ZNF676: variants seen among roughly 807,000 people sequenced by gnomAD.
ZNF676 encodes zinc finger protein 676.
In ZNF676, 4 loss-of-function variants were observed where a neutral mutation model predicts 6.0. The observed-to-expected ratio is 0.67, with a 90% CI of 0.33 to 1.53. The LOEUF (loss-of-function observed/expected upper bound fraction) is 1.53, where lower values mean the gene tolerates loss of function less well. ZNF676 is among the 40% of genes most tolerant of loss of function. ZNF676 has a pLI of 0.06. For missense variants in ZNF676, 644 were observed against 679.7 expected, an observed-to-expected ratio of 0.95 and a Z score of 0.58; for synonymous variants, 198 against 223.1, an observed-to-expected ratio of 0.89 and a Z score of 1.00.
At chr19:22,202,486 T>C (rs1268845177) in intron 1 of ZNF676, among the ~76,000 whole-genome samples, 2 of 152,148 alleles carry the variant, frequency 1.3e-5, no homozygotes, top group Non-Finnish European at 2.9e-5. Flanking sequence ...ATAGTAAAGC[T>C]TAGTTGGTAC....
chr19:22,247,400 C>T, the ZNF676 span, among the ~76,000 whole-genome samples: 1 of 151,852 alleles, frequency 6.6e-6, no homozygotes. Flanking sequence ...CCCATCTCTA[C>T]TAAAAATACA....
chr19:22,259,103 G>A, the ZNF676 span, among the ~76,000 whole-genome samples: 5 of 152,198 alleles, frequency 3.3e-5, no homozygotes, highest in African/African-American at 4.8e-5. Context: ...GTACCCATAC[G>A]GATTCACTGC....
intron 2 of ZNF676, among the ~76,000 whole-genome samples, chr19:22,184,769 C>G (rs1419733663): frequency 7.0e-6 from 1 of 143,518 alleles, no homozygotes; most frequent in South Asian, 2.2e-4. Context: ...GAGCCCACCG[C>G]AGCTAGCAAG....
chr19:22,181,425 A>C lies in ZNF676; in HGVS notation c.292T>G (p.Tyr98Asp). 4 of 1,613,722 alleles carry C rather than the reference A, an allele frequency of 2.5e-6. No individual in the cohort carries two copies. The highest frequency in any genetic ancestry group is 3.4e-6 in the Non-Finnish European group (4 of 1,179,794). Residue 98 changes from tyrosine (Y) to aspartate (D), a missense_variant, in exon 3 of 3, where the codon TAT (tyrosine) becomes GAT (aspartate). Transcript: ENST00000397121. ...VDECNVHKEG[Y>D]NKLNQSLTTT... ...GTTAAACTCTGGTTAAGTTTATTATAACCTTCTTTGTGCACGTTACACTCA... is the reference window on the plus strand; with the variant it reads ...GTTAAACTCTGGTTAAGTTTATTATCACCTTCTTTGTGCACGTTACACTCA...
chr19:22,259,445 C>T, the ZNF676 span, among the ~76,000 whole-genome samples: 1 of 152,096 alleles, frequency 6.6e-6, no homozygotes, highest in East Asian at 1.9e-4. Context: ...AAAAGTCTCA[C>T]ATCATCTAGG....
chr19:22,208,987 C>T (rs761628254), intron 1 of ZNF676, among the ~76,000 whole-genome samples: 2 of 151,718 alleles, frequency 1.3e-5, no homozygotes, highest in Non-Finnish European at 1.5e-5. Context: ...AAATATGGGC[C>T]GGGTGCAGTG....
upstream of ZNF676, among the ~76,000 whole-genome samples, chr19:22,218,519 T>C (rs1273857794): frequency 1.3e-5 from 2 of 148,638 alleles, no homozygotes; most frequent in African/African-American, 2.5e-5. Context: ...TTTTTTTTTG[T>C]ATTTTTAGTA....
At chr19:22,241,833 T>TTCA in the ZNF676 span, among the ~76,000 whole-genome samples, 14 of 151,952 alleles carry the variant, frequency 9.2e-5, 1 homozygote, top group African/African-American at 3.4e-4. Context: ...TGGTCAGGTG[T>TTCA]TTACATATGA....
chr19:22,242,943 C>T, the ZNF676 span, among the ~76,000 whole-genome samples: 136 of 151,848 alleles, frequency 9.0e-4, no homozygotes, highest in Middle Eastern at 0.01. Context: ...AAGGAGAGTC[C>T]CATCATCTAG....
At chr19:22,253,370 G>GTATATATATATATATATATATATA in the ZNF676 span, among the ~76,000 whole-genome samples, 16 of 60,098 alleles carry the variant, frequency 2.7e-4, 1 homozygote, top group East Asian at 1.2e-3. Context: ...GTGTGTGTGT[G>GTATATATATATATATATATATATA]TGTATATATA....
intron 1 of ZNF676, among the ~76,000 whole-genome samples, chr19:22,194,469 T>A (rs183523026): frequency 1.3e-4 from 20 of 152,268 alleles, no homozygotes; most frequent in African/African-American, 4.1e-4. Flanking sequence ...AGTTTAGTAG[T>A]TGACAGATCT....
the ZNF676 span, among the ~76,000 whole-genome samples, chr19:22,235,951 T>C: frequency 6.7e-6 from 1 of 149,932 alleles, no homozygotes; most frequent in Non-Finnish European, 1.5e-5. Flanking sequence ...CTACATCTAG[T>C]ATGGCAGCTG....
chr19:22,185,489 CA>C (rs35260893), intron 2 of ZNF676, among the ~76,000 whole-genome samples: 55,875 of 141,534 alleles, frequency 0.39, 10,619 homozygotes, highest in African/African-American at 0.5. Context: ...TCATCACCAG[CA>C]AAAAAAAAAA....
chr19:22,185,531 A>C (rs1310961572), intron 2 of ZNF676, among the ~76,000 whole-genome samples: 1 of 151,976 alleles, frequency 6.6e-6, no homozygotes, highest in African/African-American at 2.4e-5. Context: ...GAGTTTGACG[A>C]ATTGACAAAT....
chr19:22,226,031 T>C, the ZNF676 span, among the ~76,000 whole-genome samples: 2 of 152,214 alleles, frequency 1.3e-5, no homozygotes, highest in Admixed American at 1.3e-4. Context: ...TCATGTCTTT[T>C]CTCCATGTTT....
the ZNF676 span, among the ~76,000 whole-genome samples, chr19:22,230,910 A>G: frequency 6.6e-6 from 1 of 151,798 alleles, no homozygotes; most frequent in African/African-American, 2.4e-5. Context: ...TGCCCACCTC[A>G]GATTCCAAAA....
chr19:22,185,498 A>C (rs1192998964), intron 2 of ZNF676, among the ~76,000 whole-genome samples: 5 of 152,054 alleles, frequency 3.3e-5, no homozygotes, highest in Non-Finnish European at 1.5e-5. Context: ...GCAAAAAAAA[A>C]AAAACAAAAC....
At chr19:22,224,289 T>C in the ZNF676 span, among the ~76,000 whole-genome samples, 18 of 151,684 alleles carry the variant, frequency 1.2e-4, no homozygotes, top group African/African-American at 4.1e-4. Context: ...TTTTTTGTTT[T>C]ACGTATTATA....
At chr19:22,246,318 G>C in the ZNF676 span, among the ~76,000 whole-genome samples, 3 of 151,982 alleles carry the variant, frequency 2.0e-5, no homozygotes, top group South Asian at 6.2e-4. Flanking sequence ...TGTAACCTAG[G>C]TGCTGGGTCC....
Sources: gnomAD v4.1 joint callset for allele counts (sites outside exome capture counted in the v4.1 genomes callset) on GRCh38, gnomAD v4.1.1 for gene constraint, MANE v1.5 for transcripts, NCBI Gene and HGNC (gene_info 2026-07-23, HGNC 2026-07-21) for gene names.